DDX4: variants seen among roughly 807,000 people sequenced by gnomAD.
The protein encoded by DDX4 is DEAD-box helicase 4.
A neutral mutation model predicts 100.0 loss-of-function variants in DDX4; 25 were observed. That is an observed-to-expected ratio of 0.25 (90% CI 0.18 to 0.35). The LOEUF is 0.35. DDX4 is among the 10% of genes least tolerant of loss of function. The pLI is 1.00. For missense variants in DDX4, 635 were observed against 882.4 expected (o/e 0.72, Z 3.55); for synonymous variants, 259 against 275.7 (o/e 0.94, Z 0.60).
At chr5:55,811,002 CT>C (rs1265962303) in intron 18 of DDX4, among the ~76,000 whole-genome samples, 1 of 150,028 alleles carries the variant, frequency 6.7e-6, no homozygotes, top group Middle Eastern at 3.5e-3. Context: ...TTTTTTTCTT[CT>C]TTTTTTCCCT....
intron 2 of DDX4, among the ~76,000 whole-genome samples, chr5:55,744,150 T>G (rs1759130341): frequency 6.6e-6 from 1 of 152,210 alleles, no homozygotes; most frequent in African/African-American, 2.4e-5. Flanking sequence ...GGATGACTCT[T>G]GAGCTTTTTA....
At chr5:55,741,230 T>C (rs1322857625) in intron 2 of DDX4, among the ~76,000 whole-genome samples, 2 of 152,210 alleles carry the variant, frequency 1.3e-5, no homozygotes, top group Non-Finnish European at 2.9e-5. Context: ...GACTGTCAAA[T>C]CTTTCAAATT....
intron 10 of DDX4, among the ~76,000 whole-genome samples, chr5:55,784,803 G>A (rs1021198051): frequency 6.6e-6 from 1 of 152,190 alleles, no homozygotes; most frequent in Non-Finnish European, 1.5e-5. Context: ...TCATTGCTGG[G>A]AGAACTAAGC....
rs1473147345 is a variant in DDX4 at position 55,786,688 on chromosome 5, T to C, written c.1017+18T>C. On this transcript the variant is annotated intron_variant, in intron 14 of 21. Transcript: ENST00000505374. ...GGAAGACTGTAAGTCTTTCCCCACA[T>C]GTCCAAACTGTTAGGTTTTTTGAGC... 8 of 1,603,690 alleles carry C rather than the reference T, an allele frequency of 5.0e-6. No individual in the cohort carries two copies. Among genetic ancestry groups the C allele is most frequent in the Non-Finnish European group, 6.0e-6 (7 of 1,173,548 alleles).
chr5:55,798,531 C>T lies in DDX4; in HGVS notation c.1575C>T (p.Phe525=), dbSNP rs1305889218. 6.2e-7 allele frequency: 1 copy of T among 1,608,634 alleles called. No individual in the cohort carries two copies. Among genetic ancestry groups the T allele is most frequent in the South Asian group, 1.1e-5 (1 of 90,026 alleles). ...AGACCGTTCTCCAAGTTGGCCAGTT[C>T]TCAAAAAGAGAAAAGCTCGTTGAAA... is the stretch of plus-strand genomic sequence containing the variant. ...VQQTVLQVGQ[F]SKREKLVEIL... Residue 525 remains phenylalanine (F), a synonymous_variant, in exon 18 of 22, where the codon TTC becomes TTT. Transcript: ENST00000505374.
At chr5:55,781,215 C>G in intron 9 of DDX4, 69 bp downstream of exon 9, 1 of 1,256,116 alleles carries the variant, frequency 8.0e-7, no homozygotes, top group Non-Finnish European at 1.1e-6. Flanking sequence ...ATTAGTAAAC[C>G]TAATATATAT....
chr5:55,788,048 T>TG (rs1345217329), intron 15 of DDX4, 48 bp downstream of exon 15: 1 of 1,504,462 alleles, frequency 6.6e-7, no homozygotes, highest in Non-Finnish European at 8.9e-7. Context: ...TCTTTAGAGA[T>TG]TTTTTTCCCC....
At chr5:55,787,619 A>G (rs1461061766) in intron 14 of DDX4, among the ~76,000 whole-genome samples, 1 of 152,146 alleles carries the variant, frequency 6.6e-6, no homozygotes, top group Non-Finnish European at 1.5e-5. Flanking sequence ...ACACTGAAAA[A>G]CTTTGATAGG....
chr5:55,790,248 G>A (rs975551582), intron 15 of DDX4, among the ~76,000 whole-genome samples: 4 of 148,640 alleles, frequency 2.7e-5, no homozygotes, highest in African/African-American at 7.4e-5. Flanking sequence ...GGGTTCAAGC[G>A]ATTCTCCTGC....
intron 7 of DDX4, among the ~76,000 whole-genome samples, chr5:55,775,906 A>C (rs1270127942): frequency 6.6e-6 from 1 of 152,160 alleles, no homozygotes; most frequent in Non-Finnish European, 1.5e-5. Context: ...GGATCACCTA[A>C]GGTCAGGAGT....
chr5:55,787,750 G>T, intron 14 of DDX4, 96 bp from the exon 15 acceptor site: 1 of 1,300,660 alleles, frequency 7.7e-7, no homozygotes. Context: ...TAAGATGGAA[G>T]TAGAGTCTAA....
chr5:55,777,998 A>C (rs1452134207), intron 7 of DDX4, among the ~76,000 whole-genome samples: 3 of 152,188 alleles, frequency 2.0e-5, no homozygotes, highest in African/African-American at 7.2e-5. Flanking sequence ...CCACTTACTC[A>C]GCTTGATTTA....
intron 18 of DDX4, among the ~76,000 whole-genome samples, chr5:55,800,030 A>G (rs974041396): frequency 6.6e-6 from 1 of 152,244 alleles, no homozygotes; most frequent in African/African-American, 2.4e-5. Context: ...GAGTTTGAGA[A>G]ATTTTATTGG....
intron 3 of DDX4, among the ~76,000 whole-genome samples, chr5:55,758,388 T>C (rs974702803): frequency 6.6e-6 from 1 of 152,198 alleles, no homozygotes; most frequent in Admixed American, 6.5e-5. Flanking sequence ...TTCTGAACTT[T>C]CATATCAAGG....
At chr5:55,744,692 G>A (rs1759162449) in intron 2 of DDX4, among the ~76,000 whole-genome samples, 1 of 152,138 alleles carries the variant, frequency 6.6e-6, no homozygotes, top group Admixed American at 6.5e-5. Context: ...TGAACAGTTA[G>A]TATTTGGGAG....
chr5:55,757,934 A>G (rs1760040689), intron 3 of DDX4, among the ~76,000 whole-genome samples: 1 of 152,118 alleles, frequency 6.6e-6, no homozygotes, highest in African/African-American at 2.4e-5. Context: ...AGTCCGAGCT[A>G]CTCAGGAGGC....
intron 18 of DDX4, among the ~76,000 whole-genome samples, chr5:55,801,246 A>C (rs566274213): frequency 1.3e-5 from 2 of 151,330 alleles, no homozygotes; most frequent in East Asian, 3.9e-4. Flanking sequence ...GATTAAAAAA[A>C]CATTTTTTTA....
rs1315485767 is a variant in DDX4, at chr5:55,785,508, T to C, written c.721+14T>C. The C allele has an allele frequency of 6.4e-7, 1 of 1,565,264 alleles. No individual in the cohort carries two copies. The highest frequency in any genetic ancestry group is 1.1e-5 in the South Asian group (1 of 87,320). ...GTGATACTCAAGGTATATTAACATT[T>C]GTGTGACTCACATAGAAGTATGTTG... On this transcript the variant is annotated intron_variant, in intron 12 of 21. Coordinates refer to ENST00000505374, the MANE Select transcript of DDX4 (RefSeq NM_024415.3).
chr5:55,777,290 A>T (rs1411723672), intron 7 of DDX4, among the ~76,000 whole-genome samples: 2 of 152,208 alleles, frequency 1.3e-5, no homozygotes, highest in Non-Finnish European at 2.9e-5. Context: ...AATATAGGTA[A>T]GCATATTTCA....
Sources: allele counts gnomAD v4.1 joint callset (sites outside exome capture counted in the v4.1 genomes callset), GRCh38; gene constraint gnomAD v4.1.1; transcripts MANE v1.5; gene names NCBI Gene and HGNC (gene_info 2026-07-23, HGNC 2026-07-21).